Variants in CPT1C observed in about 807,000 individuals in gnomAD.
CPT1C encodes the protein carnitine palmitoyltransferase 1C.
A neutral mutation model predicts 97.3 loss-of-function variants in CPT1C; 61 were observed. The observed-to-expected ratio is 0.63, with a 90% CI of 0.51 to 0.78. CPT1C has a LOEUF of 0.78. Ranked by LOEUF, CPT1C falls within the 30% of genes least tolerant of loss-of-function variation. The pLI, the probability that CPT1C is intolerant of heterozygous loss-of-function variation, is 0.00. For synonymous variants in CPT1C, 469 were observed against 447.2 expected (o/e 1.05, Z -0.61); for missense variants, 975 against 1,065.5 (o/e 0.92, Z 1.18).
rs769982294 is a variant in CPT1C at position 49,691,872 on chromosome 19, A to G, written c.-32A>G. On this transcript the variant is annotated 5_prime_UTR_variant, in exon 2 of 20. Transcript: ENST00000598293. ...AAAACCTCCGGGTCTACAAACCAGGACCCTCAAGACCCTTCAGGTGCTTAG... is the reference window on the plus strand; with the variant it reads ...AAAACCTCCGGGTCTACAAACCAGGGCCCTCAAGACCCTTCAGGTGCTTAG... 5.2e-6 allele frequency: 1 copy of G among 193,264 alleles called. No individual in the cohort carries two copies. Among genetic ancestry groups the G allele is most frequent in the Non-Finnish European group, 1.1e-5 (1 of 93,598 alleles). The allele number at this position is 193,264 out of a possible 1,614,324, so 12.0% of individuals were successfully genotyped here.
intron 13 of CPT1C, among the ~76,000 whole-genome samples, chr19:49,708,002 CAAAAAAAAAAA>C (rs60276067): frequency 1.8e-5 from 1 of 56,788 alleles, no homozygotes; most frequent in African/African-American, 6.1e-5. Flanking sequence ...GAATACATCT[CAAAAAAAAAAA>C]AAAAAAAAAA....
chr19:49,695,584 C>CTTTTTTT (rs71180646), intron 3 of CPT1C, among the ~76,000 whole-genome samples: 1 of 93,184 alleles, frequency 1.1e-5, no homozygotes, highest in Non-Finnish European at 1.9e-5. Context: ...TGCACCTGGC[C>CTTTTTTT]TTTTTTTTTT....
rs756253927 is a variant in CPT1C, at chr19:49,701,610, C to G, written c.669C>G (p.Leu223=). The G allele has an allele frequency of 8.7e-6, 14 of 1,607,892 alleles. No individual in the cohort carries two copies. The highest frequency in any genetic ancestry group is 1.7e-5 in the Admixed American group (1 of 59,668). The change falls in exon 7 of 20, where the codon CTC becomes CTG. Residue 223 remains leucine (L), a synonymous_variant. Coordinates refer to ENST00000598293, the MANE Select transcript of CPT1C (RefSeq NM_001199753.2). The part of the protein sequence containing the change: ...QASLLQWYLR[L]KSWWASNYVS... ...CGCTGCTGCAGTGGTACCTGCGGCT[C>G]AAGTCCTGGTGGGCGTCCAATTATG...
In CPT1C at chr19:49,713,502, G is replaced by A. The variant is rs754397461; in HGVS notation, c.2309G>A (p.Arg770His). The change falls in exon 20 of 20, where the codon CGC (arginine) becomes CAC (histidine). Residue 770 changes from arginine (R) to histidine (H), a missense_variant. Around this residue, in one of 3 missense-constraint regions of CPT1C, gnomAD observed 344 missense variants for 395.7 expected, o/e 0.87. Coordinates refer to ENST00000598293, the MANE Select transcript of CPT1C (RefSeq NM_001199753.2). Reference protein sequence around the residue: ...SLFQAGQHFKRRFRGSGKENS... With the variant: ...SLFQAGQHFKHRFRGSGKENS... The stretch of plus-strand genomic sequence containing the variant: ...TTCCAGGCGGGACAGCATTTTAAGC[G>A]CCGGTTCAGAGGGTCAGGGAAGGAG... 2.0e-5 allele frequency: 33 copies of A among 1,614,056 alleles called. No individual in the cohort carries two copies. The highest frequency in any genetic ancestry group is 5.0e-5 in the Admixed American group (3 of 59,998).
intron 17 of CPT1C, 81 bp from the exon 18 acceptor site, chr19:49,712,655 A>C (rs969531095): frequency 9.6e-7 from 1 of 1,044,086 alleles, no homozygotes; most frequent in Admixed American, 1.9e-5. Context: ...AAAAAAAGCC[A>C]GGGATGCAGG....
In CPT1C at chr19:49,697,615, G is replaced by A. The variant is rs546964919; in HGVS notation, c.281+150G>A. The A allele has an allele frequency of 2.9e-4, 277 of 957,252 alleles. 1 individual carries two copies. The East Asian group carries it at 6.3e-3, about 22-fold the overall frequency. 59.3% of individuals were successfully genotyped at this position (957,252 alleles called of 1,614,324 possible). ...AATAAAGGCATGGCATGAAGAAAAA[G>A]GAGGTGAGGCCGGGCACAGTGGCTC... On this transcript the variant is annotated intron_variant, in intron 4 of 19. Coordinates refer to ENST00000598293, the MANE Select transcript of CPT1C (RefSeq NM_001199753.2).
In CPT1C at chr19:49,705,230, T is replaced by C; in HGVS notation, c.896T>C (p.Met299Thr). 1.2e-6 allele frequency: 2 copies of C among 1,614,122 alleles called. No individual in the cohort carries two copies. Among genetic ancestry groups the C allele is most frequent in the Non-Finnish European group, 8.5e-7 (1 of 1,179,998 alleles). ...TTCCTGCAGACTTTGCTGATGGGAATGCGCCCCTTATGCTCTGCCCAGTAC... is the reference window on the plus strand; with the variant it reads ...TTCCTGCAGACTTTGCTGATGGGAACGCGCCCCTTATGCTCTGCCCAGTAC... ...QEIPPTLLMG[M>T]RPLCSAQYEK... The change falls in exon 10 of 20, where the codon ATG becomes ACG. Residue 299 changes from methionine (M) to threonine (T), a missense_variant. By Grantham distance (81) the Met-to-Thr change is moderately conservative (BLOSUM62 -1). Coordinates refer to ENST00000598293, the MANE Select transcript of CPT1C (RefSeq NM_001199753.2).
chr19:49,690,748 T>G (rs2082317781), upstream of CPT1C: 1 of 394,928 alleles, frequency 2.5e-6, no homozygotes, highest in African/African-American at 2.1e-5. This position sits in a 1 kb window ranked among gnomAD's most constrained non-coding sequence, Gnocchi z 4.4. Context: ...CCGTGGGTGG[T>G]TTTGGCGGGC....
At chr19:49,703,458 C>T (rs2083305157) in intron 7 of CPT1C, among the ~76,000 whole-genome samples, 1 of 151,510 alleles carries the variant, frequency 6.6e-6, no homozygotes, top group African/African-American at 2.4e-5. Flanking sequence ...CCTCGGCCTC[C>T]CAAAGTGTTG....
rs774595895 is a variant in CPT1C, at chr19:49,705,097, C to T, written c.862C>T (p.Arg288Cys). The T allele has an allele frequency of 7.5e-5, 121 of 1,613,920 alleles. 1 individual carries two copies. The Middle Eastern group carries it at 8.2e-4, about 11-fold the overall frequency. The part of the protein sequence containing the change: ...ALLLYRHRLN[R>C]QEIPPTLLMG... ...CCTCCTGTACCGCCACCGCCTGAAC[C>T]GCCAGGAGATACCCCCGGTGAGAGG... Residue 288 changes from arginine (R) to cysteine (C), a missense_variant, in exon 9 of 20, where the codon CGC becomes TGC. This residue lies in a region of CPT1C where 596 missense variants were observed against 603.1 expected (regional missense o/e 0.99). Coordinates refer to ENST00000598293, the MANE Select transcript of CPT1C (RefSeq NM_001199753.2).
chr19:49,692,231 C>T lies in CPT1C; in HGVS notation c.-14-8C>T. On this transcript the variant is annotated splice_region_variant and splice_polypyrimidine_tract_variant and intron_variant, in intron 2 of 19. Coordinates refer to ENST00000598293, the MANE Select transcript of CPT1C (RefSeq NM_001199753.2). ...TGGGGTCCTGAAGTATGACTCTGCC[C>T]GACTCAGGGCTCCAGCGTGACATGG... is the stretch of plus-strand genomic sequence containing the variant. 1 of 1,612,212 alleles carries T rather than the reference C, an allele frequency of 6.2e-7. No homozygotes were observed. Among genetic ancestry groups the T allele is most frequent in the Non-Finnish European group, 8.5e-7 (1 of 1,179,830 alleles).
rs562832000 is a variant in CPT1C at position 49,706,434 on chromosome 19, G to T, written c.1343+21G>T. On this transcript the variant is annotated intron_variant, in intron 12 of 19. Coordinates refer to ENST00000598293, the MANE Select transcript of CPT1C (RefSeq NM_001199753.2). This position sits in a 1 kb window ranked among gnomAD's most constrained non-coding sequence, Gnocchi z 4.8. ...GATCGGTGAGTGAGTCTTGGGATGG[G>T]GCCCCCAGATGTGGCACCCGAGAAT... 9 of 1,446,732 alleles carry T rather than the reference G, an allele frequency of 6.2e-6. No homozygotes were observed. The Admixed American group carries it at 2.2e-4, about 36-fold the overall frequency. The allele number at this position is 1,446,732 out of a possible 1,614,324, so 89.6% of individuals were successfully genotyped here.
Position 49,705,112 on chromosome 19 carries a change from C to G in CPT1C, c.877C>G (p.Pro293Ala). The change falls in exon 9 of 20, where the codon CCG (proline) becomes GCG (alanine). Residue 293 changes from proline (P) to alanine (A), a missense_variant and splice_region_variant. This residue lies in a region of CPT1C where 596 missense variants were observed against 603.1 expected (regional missense o/e 0.99). Coordinates refer to ENST00000598293, the MANE Select transcript of CPT1C (RefSeq NM_001199753.2). Reference protein sequence around the residue: ...RHRLNRQEIPPTLLMGMRPLC... With the variant: ...RHRLNRQEIPATLLMGMRPLC... Reference sequence around the variant, plus strand: ...CCGCCTGAACCGCCAGGAGATACCCCCGGTGAGAGGGCCCCAGTGGGTTAG... The same window carrying G: ...CCGCCTGAACCGCCAGGAGATACCCGCGGTGAGAGGGCCCCAGTGGGTTAG... The G allele has an allele frequency of 3.7e-6, 6 of 1,614,040 alleles. No individual in the cohort carries two copies. Among genetic ancestry groups the G allele is most frequent in the Non-Finnish European group, 5.1e-6 (6 of 1,179,940 alleles).
intron 3 of CPT1C, among the ~76,000 whole-genome samples, chr19:49,693,641 G>A (rs1261416714): frequency 2.0e-5 from 3 of 152,098 alleles, no homozygotes; most frequent in South Asian, 2.1e-4. Flanking sequence ...ACAGAATCAC[G>A]CCTGGGCACT....
At chr19:49,697,626 C>T (rs534638933) in intron 4 of CPT1C, 161 bp downstream of exon 4, 54 of 800,612 alleles carry the variant, frequency 6.7e-5, no homozygotes, top group Middle Eastern at 5.0e-4. Flanking sequence ...GAGGTGAGGC[C>T]GGGCACAGTG....
chr19:49,707,477 G>A (rs900274231), intron 12 of CPT1C, 41 bp from the exon 13 acceptor site: 1 of 1,444,716 alleles, frequency 6.9e-7, no homozygotes, highest in Non-Finnish European at 9.7e-7. Context: ...AGGTCCCCGT[G>A]CCCCTCGCTC....
intron 7 of CPT1C, among the ~76,000 whole-genome samples, chr19:49,704,118 A>C (rs1488879759): frequency 6.6e-6 from 1 of 152,232 alleles, no homozygotes; most frequent in Admixed American, 6.5e-5. Context: ...GTATTTACAC[A>C]TATGTATATT....
chr19:49,709,989 G>GTGT (rs1215672533), intron 14 of CPT1C, among the ~76,000 whole-genome samples: 1 of 152,054 alleles, frequency 6.6e-6, no homozygotes, highest in Non-Finnish European at 1.5e-5. Flanking sequence ...TGGGACTACA[G>GTGT]GCACGTGCCA....
chr19:49,710,961 A>G (rs1383175311), intron 16 of CPT1C, 104 bp downstream of exon 16: 17 of 1,232,056 alleles, frequency 1.4e-5, no homozygotes, highest in Non-Finnish European at 1.6e-5. Context: ...CGAGGAGCAC[A>G]AGGGACAAGG....
Sources: allele counts gnomAD v4.1 joint callset (sites outside exome capture counted in the v4.1 genomes callset), GRCh38; gene constraint gnomAD v4.1.1; regional missense constraint gnomAD v4.1.1; non-coding constraint Gnocchi (gnomAD v3.1); transcripts MANE v1.5; gene names NCBI Gene and HGNC (gene_info 2026-07-23, HGNC 2026-07-21).